The following DIAPH2 variants were observed in gnomAD, a reference collection of about 807,000 sequenced individuals.
DIAPH2 encodes protein diaphanous homolog 2.
In DIAPH2, 35 loss-of-function variants were observed where a neutral mutation model predicts 92.7. The ratio of observed to expected loss-of-function variants is 0.38; its 90% CI spans 0.29 to 0.50. DIAPH2 has a LOEUF of 0.50. Ranked by LOEUF, DIAPH2 falls within the 20% of genes least tolerant of loss-of-function variation. The pLI, the probability that DIAPH2 is intolerant of heterozygous loss-of-function variation, is 0.94. For synonymous variants in DIAPH2, 301 were observed against 280.4 expected, an observed-to-expected ratio of 1.07 and a Z score of -0.73; for missense variants, 701 against 819.5, an observed-to-expected ratio of 0.86 and a Z score of 1.77.
chrX:96,755,245 G>T (rs1160529294), intron 3 of DIAPH2, among the ~76,000 whole-genome samples: 1 of 112,035 alleles, frequency 8.9e-6, no homozygotes, highest in Non-Finnish European at 1.9e-5. Context: ...CATAGGAGTT[G>T]CTGCAGTGGT....
At position 97,468,625 on chromosome X, in the gene DIAPH2, G is replaced by A. The variant is rs190272591; in HGVS notation, c.3241+38880G>A. On this transcript the variant is annotated intron_variant, in intron 26 of 26. Transcript: ENST00000324765. ...ATTGAGCATGACTAGAAGAATATTC[G>A]AAAGGTCTTTGTGAAAAAAAAAAAA... Among the ~76,000 whole-genome samples, 379 of 67,107 alleles carry A rather than the reference G, an allele frequency of 5.6e-3. 2 individuals carry two copies. The highest frequency in any genetic ancestry group is 0.018 in the African/African-American group (352 of 19,540). The allele number at this position is 67,107 out of a possible 115,157, so 58.3% of individuals were successfully genotyped here.
intron 19 of DIAPH2, among the ~76,000 whole-genome samples, chrX:97,092,613 G>GAGAA (rs1313942750): frequency 1.8e-5 from 2 of 112,200 alleles, no homozygotes; most frequent in East Asian, 5.6e-4. Context: ...AATGAAAACA[G>GAGAA]AGAACTAAAT....
intron 3 of DIAPH2, among the ~76,000 whole-genome samples, chrX:96,747,248 TAGC>T (rs1569382167): frequency 8.9e-6 from 1 of 111,848 alleles, no homozygotes; most frequent in African/African-American, 3.2e-5. Context: ...TGATTTCTAT[TAGC>T]AGCACAAGGA....
intron 21 of DIAPH2, among the ~76,000 whole-genome samples, chrX:97,119,673 T>C (rs904569741): frequency 9.0e-6 from 1 of 111,203 alleles, no homozygotes; most frequent in African/African-American, 3.3e-5. Flanking sequence ...GGCCATCAGG[T>C]GGGGCAGGTC....
intron 24 of DIAPH2, among the ~76,000 whole-genome samples, chrX:97,354,787 C>T (rs1192719448): frequency 8.9e-6 from 1 of 112,769 alleles, no homozygotes; most frequent in Non-Finnish European, 1.9e-5. Flanking sequence ...TTAGATTGAA[C>T]TCTTCTCCCA....
intron 22 of DIAPH2, among the ~76,000 whole-genome samples, chrX:97,191,788 G>C (rs1208864950): frequency 9.0e-6 from 1 of 111,218 alleles, no homozygotes; most frequent in Non-Finnish European, 1.9e-5. Context: ...AGGGAGACAA[G>C]GTAGAAGAAA....
chrX:97,602,714 C>T lies in DIAPH2; in HGVS notation c.*3397C>T, dbSNP rs1217598425. ...TCTGTTCCCACACTTGGGCCTCTGC[C>T]TCTGTACCTGCAGCTCTGCTCTCGG... On this transcript the variant is annotated 3_prime_UTR_variant, in exon 27 of 27. Coordinates refer to ENST00000324765, the MANE Select transcript of DIAPH2 (RefSeq NM_006729.5). 8.9e-6 allele frequency: 1 copy of T among 112,204 alleles called. No homozygotes were observed. The highest frequency in any genetic ancestry group is 9.4e-5 in the Admixed American group (1 of 10,608). 9.2% of individuals were successfully genotyped at this position (112,204 alleles called of 1,213,427 possible). A position where few individuals can be genotyped will look rare whatever the true frequency, so the allele number is the denominator to read the frequency against.
At chrX:96,750,271 G>A (rs1456099315) in intron 3 of DIAPH2, among the ~76,000 whole-genome samples, 1 of 110,261 alleles carries the variant, frequency 9.1e-6, no homozygotes, top group Admixed American at 9.7e-5. Flanking sequence ...CAGGTGATCC[G>A]CCCGCCTTGG....
At chrX:96,825,461 C>CTT (rs2064809807) in intron 4 of DIAPH2, among the ~76,000 whole-genome samples, 5 of 105,366 alleles carry the variant, frequency 4.7e-5, no homozygotes, top group African/African-American at 1.4e-4. Flanking sequence ...TTTATTGGCC[C>CTT]TGTTTATATG....
At chrX:97,108,219 C>T (rs2066955604) in intron 20 of DIAPH2, among the ~76,000 whole-genome samples, 1 of 110,473 alleles carries the variant, frequency 9.1e-6, no homozygotes, top group Non-Finnish European at 1.9e-5. Context: ...ATGAGAGCCA[C>T]TTGATGTGAT....
At chrX:96,784,656 T>C (rs949472296) in intron 4 of DIAPH2, among the ~76,000 whole-genome samples, 1 of 112,268 alleles carries the variant, frequency 8.9e-6, no homozygotes, top group Non-Finnish European at 1.9e-5. Context: ...CCCTGCACTA[T>C]GTATAGGACT....
chrX:97,329,927 CA>C (rs1569364089), intron 23 of DIAPH2, among the ~76,000 whole-genome samples: 43 of 105,988 alleles, frequency 4.1e-4, no homozygotes, highest in East Asian at 3.7e-3. Flanking sequence ...CACACACACA[CA>C]CACACACACC....
At chrX:97,243,114 A>G (rs1386519009) in intron 22 of DIAPH2, among the ~76,000 whole-genome samples, 2 of 111,567 alleles carry the variant, frequency 1.8e-5, no homozygotes, top group African/African-American at 3.3e-5. Flanking sequence ...TCAAAATGAC[A>G]ACAAAGTATT....
intron 22 of DIAPH2, among the ~76,000 whole-genome samples, chrX:97,157,180 G>A (rs1018897568): frequency 9.0e-6 from 1 of 110,617 alleles, no homozygotes; most frequent in Non-Finnish European, 1.9e-5. Flanking sequence ...TGGGCATGGT[G>A]ACGCATGCCT....
At chrX:97,488,563 G>C (rs1382461465) in intron 26 of DIAPH2, among the ~76,000 whole-genome samples, 3 of 111,699 alleles carry the variant, frequency 2.7e-5, no homozygotes, top group South Asian at 3.7e-4. Flanking sequence ...TTTTCTTCAA[G>C]GAGTTTTGTA....
At chrX:96,780,672 C>T (rs949258534) in intron 4 of DIAPH2, among the ~76,000 whole-genome samples, 3 of 109,570 alleles carry the variant, frequency 2.7e-5, no homozygotes, top group Admixed American at 2.0e-4. Context: ...TTAGTAGAGA[C>T]GGGGTTTCAC....
At chrX:97,466,144 T>G (rs1270256300) in intron 26 of DIAPH2, among the ~76,000 whole-genome samples, 2 of 112,146 alleles carry the variant, frequency 1.8e-5, no homozygotes, top group Non-Finnish European at 3.8e-5. Flanking sequence ...ATATTTGTTT[T>G]GTAAAACAAA....
chrX:97,512,197 G>C (rs1357439559), intron 26 of DIAPH2, among the ~76,000 whole-genome samples: 1 of 113,366 alleles, frequency 8.8e-6, no homozygotes, highest in Non-Finnish European at 1.9e-5. Flanking sequence ...GACTCTTATT[G>C]GTCTACTCAG....
At chrX:96,725,039 C>T (rs2064012736) in intron 1 of DIAPH2, among the ~76,000 whole-genome samples, 1 of 111,403 alleles carries the variant, frequency 9.0e-6, no homozygotes, top group African/African-American at 3.3e-5. Context: ...GCGAAGAGTC[C>T]GTCGTGAGAA....
Sources: allele counts gnomAD v4.1 joint callset (sites outside exome capture counted in the v4.1 genomes callset), GRCh38; gene constraint gnomAD v4.1.1; transcripts MANE v1.5; gene names NCBI Gene and HGNC (gene_info 2026-07-23, HGNC 2026-07-21).